TUBGCP4: variants seen among roughly 807,000 people sequenced by gnomAD.
TUBGCP4 encodes gamma-tubulin complex component 4.
TUBGCP4 carries 54 observed loss-of-function variants against 91.6 expected under a neutral mutation model. That is an observed-to-expected ratio of 0.59 (90% CI 0.47 to 0.74). The LOEUF (loss-of-function observed/expected upper bound fraction) is 0.74, where lower values mean the gene tolerates loss of function less well. Ranked by LOEUF, TUBGCP4 falls within the 30% of genes least tolerant of loss-of-function variation. The pLI is 0.00. For missense variants in TUBGCP4, 593 were observed against 800.9 expected (o/e 0.74, Z 3.13); for synonymous variants, 297 against 302.8 (o/e 0.98, Z 0.20).
chr15:43,406,479 C>A lies in TUBGCP4; in HGVS notation c.*1265C>A. 2.5e-6 allele frequency: 1 copy of A among 402,738 alleles called. No homozygotes were observed. 24.9% of individuals were successfully genotyped at this position (402,738 alleles called of 1,614,324 possible). A position where few individuals can be genotyped will look rare whatever the true frequency, so the allele number is the denominator to read the frequency against. On this transcript the variant is annotated 3_prime_UTR_variant, in exon 18 of 18. Transcript: ENST00000564079. The stretch of plus-strand genomic sequence containing the variant: ...TTTGTACAGTTTTACTGAAACACAG[C>A]CATGCCCATTTGTTTACTCATTGTC...
In TUBGCP4 at chr15:43,371,320, G is replaced by T; in HGVS notation, c.-35G>T. ...GCCTGGAGGTGCGCTGGAGGAGGGGGTGACATAACCAGGGACTCGAGGTCC... is the reference window on the plus strand; with the variant it reads ...GCCTGGAGGTGCGCTGGAGGAGGGGTTGACATAACCAGGGACTCGAGGTCC... On this transcript the variant is annotated 5_prime_UTR_variant, in exon 1 of 18. Coordinates refer to ENST00000564079, the MANE Select transcript of TUBGCP4 (RefSeq NM_014444.5). The T allele has an allele frequency of 1.2e-6, 2 of 1,605,914 alleles. No individual in the cohort carries two copies. The highest frequency in any genetic ancestry group is 1.7e-6 in the Non-Finnish European group (2 of 1,175,346).
chr15:43,394,724 G>C (rs923699628), intron 9 of TUBGCP4: 1 of 230,514 alleles, frequency 4.3e-6, no homozygotes, highest in African/African-American at 2.3e-5. Context: ...GTTCTCATGA[G>C]ATCTGGCTGT....
chr15:43,395,692 A>G lies in TUBGCP4; in HGVS notation c.1171+4A>G, dbSNP rs749981899. 2 of 1,610,436 alleles carry G rather than the reference A, an allele frequency of 1.2e-6. No homozygotes were observed. Among genetic ancestry groups the G allele is most frequent in the East Asian group, 2.2e-5 (1 of 44,856 alleles). Reference sequence around the variant, plus strand: ...CCCACTGCAGTAACTGAGCATGGTAATTGTCAGTGGCCCTGAGAATGATCA... The same window carrying G: ...CCCACTGCAGTAACTGAGCATGGTAGTTGTCAGTGGCCCTGAGAATGATCA... On this transcript the variant is annotated splice_donor_region_variant and intron_variant, in intron 11 of 17. Transcript: ENST00000564079.
intron 9 of TUBGCP4, among the ~76,000 whole-genome samples, chr15:43,393,366 C>T (rs374362967): frequency 3.3e-4 from 50 of 151,930 alleles, no homozygotes; most frequent in African/African-American, 2.9e-4. Context: ...CCCGCCACCA[C>T]GCCCAGCCAG....
In TUBGCP4 at chr15:43,409,674, A is replaced by G. The variant is rs775344886; in HGVS notation, c.*4460A>G. 3 of 1,572,440 alleles carry G rather than the reference A, an allele frequency of 1.9e-6. No individual in the cohort carries two copies. The highest frequency in any genetic ancestry group is 1.2e-5 in the South Asian group (1 of 83,078). On this transcript the variant is annotated 3_prime_UTR_variant, in exon 18 of 18. Transcript: ENST00000564079. The stretch of plus-strand genomic sequence containing the variant: ...GGGCTTCATTGAAATCTTCAAGGAT[A>G]TAGCCAGCTCCTGCTCGAAGCTGGG...
At chr15:43,375,172 G>A (rs1243038071) in intron 1 of TUBGCP4, among the ~76,000 whole-genome samples, 1 of 152,224 alleles carries the variant, frequency 6.6e-6, no homozygotes, top group African/African-American at 2.4e-5. Flanking sequence ...CGAAATGCTG[G>A]GATTACAGGC....
At chr15:43,397,363 A>C in intron 12 of TUBGCP4, 42 bp downstream of exon 12, 1 of 1,452,886 alleles carries the variant, frequency 6.9e-7, no homozygotes. Flanking sequence ...CCTGCTGGTC[A>C]TCATCCATTT....
rs2044112921 is a variant in TUBGCP4 at position 43,371,227 on chromosome 15, AT to A, written c.-126del. On this transcript the variant is annotated 5_prime_UTR_variant, in exon 1 of 18. Transcript: ENST00000564079. ...CCGCAGCGATTGTCTCGGTGGGTTG[AT>A]TCGGCACAAACCGCCCGACCCAGGG... 1 of 924,346 alleles carries A rather than the reference AT, an allele frequency of 1.1e-6. No individual in the cohort carries two copies. The highest frequency in any genetic ancestry group is 2.2e-5 in the Admixed American group (1 of 44,872). 57.3% of individuals were successfully genotyped at this position (924,346 alleles called of 1,614,324 possible).
Position 43,407,997 on chromosome 15 carries a change from T to C in TUBGCP4, c.*2783T>C. On this transcript the variant is annotated 3_prime_UTR_variant, in exon 18 of 18. Transcript: ENST00000564079. ...TTCACAGAGGCTGCACCACCAGTCA[T>C]GAGGATCTCAGACCAGAGCTCCAGG... 6.2e-7 allele frequency: 1 copy of C among 1,614,068 alleles called. No individual in the cohort carries two copies. Among genetic ancestry groups the C allele is most frequent in the Non-Finnish European group, 8.5e-7 (1 of 1,180,000 alleles).
chr15:43,400,343 A>G (rs1350988073), intron 14 of TUBGCP4, 122 bp downstream of exon 14: 3 of 670,452 alleles, frequency 4.5e-6, no homozygotes, highest in Non-Finnish European at 7.3e-6. Context: ...GGGAAAATTC[A>G]GGAGTTATAT....
At chr15:43,388,074 C>T (rs894794535) in intron 9 of TUBGCP4, among the ~76,000 whole-genome samples, 5 of 152,064 alleles carry the variant, frequency 3.3e-5, no homozygotes, top group South Asian at 2.1e-4. Flanking sequence ...TGGTCTTGAA[C>T]GTTTGGGCTC....
chr15:43,381,091 G>A (rs2044279148), intron 6 of TUBGCP4, among the ~76,000 whole-genome samples: 1 of 152,106 alleles, frequency 6.6e-6, no homozygotes, highest in Non-Finnish European at 1.5e-5. Flanking sequence ...ACAGGTGTGA[G>A]CCACCGCACC....
In TUBGCP4 at chr15:43,408,136, CA is replaced by C. The variant is rs761396548; in HGVS notation, c.*2925del. Reference sequence around the variant, plus strand: ...CCTTAGCATGACAAGTAATATCCAACAAACTGCCTTTCTGCAAAGGGACTCA... The same window carrying C: ...CCTTAGCATGACAAGTAATATCCAACAACTGCCTTTCTGCAAAGGGACTCA... On this transcript the variant is annotated 3_prime_UTR_variant, in exon 18 of 18. Transcript: ENST00000564079. 1.0e-4 allele frequency: 166 copies of C among 1,584,334 alleles called. No individual in the cohort carries two copies. The highest frequency in any genetic ancestry group is 1.4e-4 in the Non-Finnish European group (157 of 1,162,758).
intron 2 of TUBGCP4, 25 bp from the exon 3 acceptor site, chr15:43,376,478 T>TTC (rs1566889291): frequency 2.5e-6 from 4 of 1,614,134 alleles, no homozygotes; most frequent in Non-Finnish European, 3.4e-6. Context: ...AGCTGAGAAG[T>TTC]TGGCTTCTGT....
chr15:43,377,103 G>C lies in TUBGCP4; in HGVS notation c.384+36G>C. 2.0e-6 allele frequency: 3 copies of C among 1,537,576 alleles called. No individual in the cohort carries two copies. The South Asian group carries it at 3.4e-5, about 17-fold the overall frequency. ...CAAATAACCAAATGCCTTGCAATCT[G>C]TTGATAGTGTTAGAATAATCTAATT... On this transcript the variant is annotated intron_variant, in intron 4 of 17. Transcript: ENST00000564079.
intron 9 of TUBGCP4, 162 bp from the exon 10 acceptor site, chr15:43,394,945 G>C (rs913149516): frequency 4.8e-5 from 35 of 721,942 alleles, no homozygotes; most frequent in Middle Eastern, 3.5e-4. Context: ...CTTTACAGCA[G>C]TGTGAGAATG....
intron 5 of TUBGCP4, among the ~76,000 whole-genome samples, chr15:43,379,857 C>G (rs1156234901): frequency 6.6e-6 from 1 of 152,188 alleles, no homozygotes; most frequent in Non-Finnish European, 1.5e-5. Context: ...TGTGGAAACA[C>G]TGAGTGCTGG....
At chr15:43,393,407 C>T (rs1050911486) in intron 9 of TUBGCP4, among the ~76,000 whole-genome samples, 11 of 151,556 alleles carry the variant, frequency 7.3e-5, no homozygotes, top group African/African-American at 2.2e-4. Flanking sequence ...GATGGGGTTT[C>T]ACCATGTTGG....
chr15:43,380,281 G>T (rs2044268184), intron 6 of TUBGCP4, 118 bp downstream of exon 6: 1 of 920,130 alleles, frequency 1.1e-6, no homozygotes, highest in Admixed American at 2.5e-5. Context: ...TTATAACCAG[G>T]ATAGAAAAAG....
Sources: allele counts gnomAD v4.1 joint callset (sites outside exome capture counted in the v4.1 genomes callset), GRCh38; gene constraint gnomAD v4.1.1; transcripts MANE v1.5; gene names NCBI Gene and HGNC (gene_info 2026-07-23, HGNC 2026-07-21).